CADPS: variants seen among roughly 807,000 people sequenced by gnomAD.
CADPS encodes calcium dependent secretion activator.
In CADPS, 57 loss-of-function variants were observed where a neutral mutation model predicts 167.3. That is an observed-to-expected ratio of 0.34 (90% CI 0.28 to 0.42). The LOEUF (loss-of-function observed/expected upper bound fraction) is 0.42. CADPS is among the 20% of genes least tolerant of loss of function. CADPS has a pLI of 1.00. For missense variants in CADPS, 1,414 were observed against 1,738.1 expected (o/e 0.81, Z 3.32); for synonymous variants, 676 against 635.3 (o/e 1.06, Z -0.96).
chr3:62,772,238 G>C (rs140943999), intron 1 of CADPS, among the ~76,000 whole-genome samples: 3,457 of 151,962 alleles, frequency 0.023, 64 homozygotes, highest in South Asian at 0.061. Flanking sequence ...CCTTTTGAAG[G>C]TATCACTGAT....
chr3:62,847,603 T>G (rs1234529984), intron 1 of CADPS, among the ~76,000 whole-genome samples: 2 of 23,372 alleles, frequency 8.6e-5, no homozygotes, highest in African/African-American at 3.8e-4. Flanking sequence ...ACAAAGGACA[T>G]GAACTCATCA....
chr3:62,532,717 T>TTGTGTG (rs10586016), intron 13 of CADPS, among the ~76,000 whole-genome samples, 154 bp downstream of exon 13: 111 of 148,906 alleles, frequency 7.5e-4, no homozygotes, highest in Middle Eastern at 3.4e-3. Flanking sequence ...TTAGTGCCCT[T>TTGTGTG]TGTGTGTGTG....
chr3:62,597,877 C>T (rs916687828), intron 6 of CADPS, among the ~76,000 whole-genome samples: 2 of 152,028 alleles, frequency 1.3e-5, no homozygotes, highest in Non-Finnish European at 2.9e-5. Context: ...TAACCTGGTC[C>T]AGTGAAGCAG....
At chr3:62,860,824 G>A (rs112387001) in intron 1 of CADPS, among the ~76,000 whole-genome samples, 1 of 152,170 alleles carries the variant, frequency 6.6e-6, no homozygotes, top group Non-Finnish European at 1.5e-5. Flanking sequence ...TAACTTTTCT[G>A]TAATCTTACC....
chr3:62,475,584 GAAA>G lies in CADPS; in HGVS notation c.3330-1267_3330-1265del, dbSNP rs34263556. 7.9e-4 allele frequency among the ~76,000 whole-genome samples: 44 copies of G among 55,952 alleles called. No individual in the cohort carries two copies. In the Admixed American group the frequency reaches 9.8e-3, roughly 13 times the overall value. The allele number at this position is 55,952 out of a possible 152,430, so 36.7% of individuals were successfully genotyped here. ...CTAAGGTTGGGAGCCCAGTTCTTAA[GAAA>G]AAAAAAAAAAAAAAAAAAAAAAAAA... On this transcript the variant is annotated intron_variant, in intron 23 of 29. Transcript: ENST00000383710.
intron 18 of CADPS, among the ~76,000 whole-genome samples, chr3:62,495,921 G>A (rs2064680572): frequency 6.6e-6 from 1 of 152,130 alleles, no homozygotes. Context: ...CTTTATCTTG[G>A]AATTTAAAAT....
At chr3:62,545,136 T>G (rs1012962656) in intron 11 of CADPS, among the ~76,000 whole-genome samples, 1 of 152,122 alleles carries the variant, frequency 6.6e-6, no homozygotes, top group Non-Finnish European at 1.5e-5. Flanking sequence ...TATGATGTGA[T>G]TAACAGTTAT....
At chr3:62,434,144 GT>G (rs1444662129) in intron 28 of CADPS, among the ~76,000 whole-genome samples, 1 of 152,058 alleles carries the variant, frequency 6.6e-6, no homozygotes, top group Non-Finnish European at 1.5e-5. Flanking sequence ...TGAATTCATT[GT>G]TTTTGTGTAT....
chr3:62,592,852 G>C (rs1435801324), intron 6 of CADPS, 104 bp from the exon 7 acceptor site: 1 of 696,318 alleles, frequency 1.4e-6, no homozygotes, highest in Admixed American at 2.6e-5. Context: ...ACCCAAGGCA[G>C]CATTAGCTGT....
intron 12 of CADPS, among the ~76,000 whole-genome samples, chr3:62,535,296 T>C (rs1054044819): frequency 7.3e-5 from 11 of 151,392 alleles, no homozygotes; most frequent in African/African-American, 2.7e-4. Flanking sequence ...GTTCAGATCC[T>C]TTTGATGAAG....
At chr3:62,663,317 T>C (rs2073729625) in intron 3 of CADPS, among the ~76,000 whole-genome samples, 1 of 152,174 alleles carries the variant, frequency 6.6e-6, no homozygotes. Context: ...AGAATTTTAT[T>C]TACAACAGGT....
intron 1 of CADPS, among the ~76,000 whole-genome samples, chr3:62,846,530 C>T (rs1339911566): frequency 1.3e-5 from 2 of 152,180 alleles, no homozygotes; most frequent in Non-Finnish European, 2.9e-5. Context: ...GTCTGAAGTA[C>T]AGTCATGAGG....
chr3:62,673,234 C>G (rs2075831129), intron 3 of CADPS, among the ~76,000 whole-genome samples: 1 of 152,176 alleles, frequency 6.6e-6, no homozygotes, highest in African/African-American at 2.4e-5. Context: ...ATCTATGTGG[C>G]AGGGATGTTT....
At chr3:62,760,000 C>T (rs1437908827) in intron 2 of CADPS, among the ~76,000 whole-genome samples, 3 of 152,116 alleles carry the variant, frequency 2.0e-5, no homozygotes, top group Non-Finnish European at 2.9e-5. Context: ...GATCTTGGGC[C>T]ATGACCTTGT....
intron 1 of CADPS, among the ~76,000 whole-genome samples, chr3:62,863,747 A>G (rs2081219089): frequency 1.3e-5 from 2 of 152,348 alleles, no homozygotes; most frequent in East Asian, 1.9e-4. Flanking sequence ...AAACAATGGT[A>G]TCAAACAACT....
intron 23 of CADPS, among the ~76,000 whole-genome samples, chr3:62,476,503 A>G (rs1022899414): frequency 1.7e-4 from 26 of 152,280 alleles, no homozygotes; most frequent in African/African-American, 5.8e-4. Flanking sequence ...CTTAACAGCT[A>G]CTGTGTGCCA....
At chr3:62,750,044 A>C (rs940479289) in intron 3 of CADPS, among the ~76,000 whole-genome samples, 2 of 152,140 alleles carry the variant, frequency 1.3e-5, no homozygotes, top group South Asian at 2.1e-4. Context: ...ACCTAAGATA[A>C]AGACAGGTTT....
At chr3:62,809,298 CT>C (rs555132844) in intron 1 of CADPS, among the ~76,000 whole-genome samples, 52 of 152,320 alleles carry the variant, frequency 3.4e-4, no homozygotes, top group African/African-American at 1.2e-3. Flanking sequence ...AGCATTCAAA[CT>C]GTTTCCTCTG....
At chr3:62,481,358 C>T (rs1038834741) in intron 22 of CADPS, among the ~76,000 whole-genome samples, 10 of 152,190 alleles carry the variant, frequency 6.6e-5, no homozygotes, top group Non-Finnish European at 1.2e-4. Context: ...AGATTTGGAT[C>T]AGGCCAGAGA....
Sources: allele counts gnomAD v4.1 joint callset (sites outside exome capture counted in the v4.1 genomes callset), GRCh38; gene constraint gnomAD v4.1.1; transcripts MANE v1.5; gene names NCBI Gene and HGNC (gene_info 2026-07-23, HGNC 2026-07-21).